Variants in ADAMTS7 observed in about 807,000 individuals in gnomAD.
ADAMTS7 encodes A disintegrin and metalloproteinase with thrombospondin motifs 7.
In ADAMTS7, 89 loss-of-function variants were observed where a neutral mutation model predicts 172.6. That is an observed-to-expected ratio of 0.52 (90% CI 0.43 to 0.61). The LOEUF (loss-of-function observed/expected upper bound fraction) is 0.61. Among genes scored for constraint, ADAMTS7 ranks in the 20% least tolerant of loss-of-function variants. The pLI is 0.00. For missense variants in ADAMTS7, 1,973 were observed against 2,355.6 expected (o/e 0.84, Z 3.36); for synonymous variants, 885 against 978.4 (o/e 0.90, Z 1.78).
In ADAMTS7 at chr15:78,759,315, G is replaced by T; in HGVS notation, c.*106C>A. 9.0e-7 allele frequency: 1 copy of T among 1,112,508 alleles called. No individual in the cohort carries two copies. The highest frequency in any genetic ancestry group is 1.2e-6 in the Non-Finnish European group (1 of 823,044). 68.9% of individuals were successfully genotyped at this position (1,112,508 alleles called of 1,614,324 possible). A position where few individuals can be genotyped will look rare whatever the true frequency, so the allele number is the denominator to read the frequency against. ...GGAGGAGGTCCCCAGCCTGCTGCTG[G>T]GTAGTGAGAGGGGGTTAGCACCATT... On this transcript the variant is annotated 3_prime_UTR_variant, in exon 24 of 24. Transcript: ENST00000388820.
chr15:78,788,438 C>A lies in ADAMTS7; in HGVS notation c.1179-64G>T, dbSNP rs577091098. On this transcript the variant is annotated intron_variant, in intron 7 of 23. Coordinates refer to ENST00000388820, the MANE Select transcript of ADAMTS7 (RefSeq NM_014272.5). The stretch of plus-strand genomic sequence containing the variant: ...CGGGAGGCTGCCAGCCTGCCCTCCC[C>A]TGGACACCCACAAGGTGCGCAGTCC... 1.4e-5 allele frequency: 22 copies of A among 1,587,432 alleles called. No homozygotes were observed. The African/African-American group carries it at 2.8e-4, about 20-fold the overall frequency.
Position 78,766,652 on chromosome 15 carries a change from C to A in ADAMTS7, c.3259G>T (p.Asp1087Tyr). 6.2e-7 allele frequency: 1 copy of A among 1,610,684 alleles called. No individual in the cohort carries two copies. The highest frequency in any genetic ancestry group is 8.5e-7 in the Non-Finnish European group (1 of 1,179,652). ...GTCCGGTCCCCTGTCCCCGCCAGGT[C>A]TAGATCGGGCTCCTCAGAGGGCCCG... ...SYGPSEEPDL[D>Y]LAGTGDRTPP... Residue 1087 changes from aspartate to tyrosine, a missense_variant, in exon 19 of 24, where the codon GAC (aspartate) becomes TAC (tyrosine). Around this residue, in one of 8 missense-constraint regions of ADAMTS7, gnomAD observed 771 missense variants for 952.6 expected, o/e 0.81. Transcript: ENST00000388820.
intron 4 of ADAMTS7, among the ~76,000 whole-genome samples, chr15:78,794,926 A>G (rs970689747): frequency 6.6e-6 from 1 of 152,244 alleles, no homozygotes; most frequent in African/African-American, 2.4e-5. Context: ...CATGTTGGCC[A>G]GGCTGGTCTC....
chr15:78,776,556 C>A, intron 10 of ADAMTS7, 193 bp downstream of exon 10: 1 of 815,110 alleles, frequency 1.2e-6, no homozygotes, highest in Non-Finnish European at 1.9e-6. Flanking sequence ...GCTGAAGACA[C>A]CCTGGGGAAT....
rs747332752 is a variant in ADAMTS7, at chr15:78,766,713, G to A, written c.3198C>T (p.Asp1066=). Residue 1066 remains aspartate, a synonymous_variant, in exon 19 of 24, where the codon GAC becomes GAT. Transcript: ENST00000388820. ...GPVFVDDFYY[D]YNFINFHEDL... ...CCTCGTGGAAATTGATGAAATTGTA[G>A]TCGTAGTAGAAGTCGTCCACAAACA... 3 of 1,610,804 alleles carry A rather than the reference G, an allele frequency of 1.9e-6. No homozygotes were observed. The highest frequency in any genetic ancestry group is 2.7e-5 in the African/African-American group (2 of 74,872).
intron 4 of ADAMTS7, among the ~76,000 whole-genome samples, chr15:78,792,957 C>T (rs955896821): frequency 6.6e-6 from 1 of 152,162 alleles, no homozygotes; most frequent in African/African-American, 2.4e-5. Flanking sequence ...GGGGAGAATG[C>T]TGATAAATTG....
chr15:78,771,947 T>A lies in ADAMTS7; in HGVS notation c.2132-118A>T. ...GCCTGCTGATGCCAAAGCTTTAAAG[T>A]CTGAGCTCCCTAAATTGCTCGGATC... On this transcript the variant is annotated intron_variant, in intron 14 of 23. Coordinates refer to ENST00000388820, the MANE Select transcript of ADAMTS7 (RefSeq NM_014272.5). This position sits in a 1 kb window ranked among gnomAD's most constrained non-coding sequence, Gnocchi z 4.9. The A allele has an allele frequency of 7.0e-7, 1 of 1,426,966 alleles. No individual in the cohort carries two copies. The highest frequency in any genetic ancestry group is 1.4e-5 in the African/African-American group (1 of 70,908). The allele number at this position is 1,426,966 out of a possible 1,614,324, so 88.4% of individuals were successfully genotyped here. A position where few individuals can be genotyped will look rare whatever the true frequency, so the allele number is the denominator to read the frequency against.
chr15:78,777,621 C>T, intron 8 of ADAMTS7, 33 bp from the exon 9 acceptor site: 1 of 1,583,684 alleles, frequency 6.3e-7, no homozygotes, highest in Non-Finnish European at 8.6e-7. Flanking sequence ...GAGGGGGGCG[C>T]AGCCTGTGAG....
chr15:78,763,139 G>A (rs527796211), intron 22 of ADAMTS7, among the ~76,000 whole-genome samples: 36 of 152,286 alleles, frequency 2.4e-4, no homozygotes, highest in African/African-American at 7.7e-4. Flanking sequence ...AGCTGTTCCA[G>A]TTTTACAGAT....
At chr15:78,804,741 G>A (rs767788564) in intron 1 of ADAMTS7, among the ~76,000 whole-genome samples, 4 of 152,198 alleles carry the variant, frequency 2.6e-5, no homozygotes, top group East Asian at 1.9e-4. Context: ...CTGGGGCAAC[G>A]TGCTGTGTGG....
intron 13 of ADAMTS7, among the ~76,000 whole-genome samples, chr15:78,773,576 C>T (rs1261931964): frequency 6.6e-6 from 1 of 152,092 alleles, no homozygotes; most frequent in African/African-American, 2.4e-5. Context: ...TGGCACCTCC[C>T]TCCTGGTCCT....
intron 11 of ADAMTS7, 91 bp downstream of exon 11, chr15:78,776,097 G>A: frequency 6.9e-7 from 1 of 1,445,392 alleles, no homozygotes; most frequent in South Asian, 1.4e-5. Context: ...CTAAGAGCCA[G>A]GGGCTGGGAC....
chr15:78,806,963 C>T (rs2055805395), intron 1 of ADAMTS7, among the ~76,000 whole-genome samples: 4 of 152,136 alleles, frequency 2.6e-5, no homozygotes, highest in South Asian at 2.1e-4. Flanking sequence ...GGTAGAGTTT[C>T]GCCATGTTGG....
Position 78,796,566 on chromosome 15 carries a change from C to T in ADAMTS7, c.819+24G>A, listed in dbSNP as rs199526859. ...ACCCCCCAACACCATCCCCGCCACCCGCTCCTGGCCCACACAGACTCACCA... is the reference window on the plus strand; with the variant it reads ...ACCCCCCAACACCATCCCCGCCACCTGCTCCTGGCCCACACAGACTCACCA... On this transcript the variant is annotated intron_variant, in intron 4 of 23. Coordinates refer to ENST00000388820, the MANE Select transcript of ADAMTS7 (RefSeq NM_014272.5). 32 of 1,596,336 alleles carry T rather than the reference C, an allele frequency of 2.0e-5. No individual in the cohort carries two copies. The African/African-American group carries it at 3.2e-4, about 16-fold the overall frequency.
intron 8 of ADAMTS7, among the ~76,000 whole-genome samples, chr15:78,780,732 C>T (rs184451644): frequency 8.5e-5 from 13 of 152,254 alleles, no homozygotes; most frequent in Admixed American, 3.3e-4. Context: ...CGCATGGCCC[C>T]GGCCTCTGCC....
intron 8 of ADAMTS7, among the ~76,000 whole-genome samples, chr15:78,787,349 A>G (rs1389983449): frequency 6.0e-5 from 9 of 150,028 alleles, no homozygotes; most frequent in Non-Finnish European, 1.2e-4. Flanking sequence ...GCAAATTTGA[A>G]AAAAAAAAAA....
intron 9 of ADAMTS7, 155 bp downstream of exon 9, chr15:78,777,289 C>T (rs1225585852): frequency 8.8e-7 from 1 of 1,139,596 alleles, no homozygotes; most frequent in Non-Finnish European, 1.2e-6. Flanking sequence ...CTGGCCTCTC[C>T]CACAGGCCAC....
Position 78,766,755 on chromosome 15 carries a change from C to G in ADAMTS7, c.3156G>C (p.Leu1052=). The G allele has an allele frequency of 3.1e-6, 5 of 1,610,664 alleles. No homozygotes were observed. The highest frequency in any genetic ancestry group is 4.2e-6 in the Non-Finnish European group (5 of 1,179,840). Residue 1052 remains leucine, a synonymous_variant, in exon 19 of 24, where the codon CTG becomes CTC. Coordinates refer to ENST00000388820, the MANE Select transcript of ADAMTS7 (RefSeq NM_014272.5). ...CCACAAACACGGGCCCCGGCAGGTC[C>G]AGCTCTGGAGCCTCCTCCTCAATGG... The part of the protein sequence containing the change: ...GNAIEEEAPE[L]DLPGPVFVDD...
chr15:78,772,066 C>T (rs1201939221), intron 14 of ADAMTS7, among the ~76,000 whole-genome samples: 2 of 152,198 alleles, frequency 1.3e-5, no homozygotes, highest in African/African-American at 2.4e-5. Context: ...ACACTGGTCT[C>T]ATCATAAGGC....
Sources: gnomAD v4.1 joint callset for allele counts (sites outside exome capture counted in the v4.1 genomes callset) on GRCh38, gnomAD v4.1.1 for gene constraint, gnomAD v4.1.1 regional missense constraint, Gnocchi (gnomAD v3.1) non-coding constraint, MANE v1.5 for transcripts, NCBI Gene and HGNC (gene_info 2026-07-23, HGNC 2026-07-21) for gene names.